Variants in SDK1 observed in about 807,000 individuals in gnomAD.
SDK1 encodes the protein sidekick cell adhesion molecule 1.
In SDK1, 157 loss-of-function variants were observed where a neutral mutation model predicts 245.5. The ratio of observed to expected loss-of-function variants is 0.64; its 90% CI spans 0.56 to 0.73. The LOEUF is 0.73. Among genes scored for constraint, SDK1 ranks in the 30% least tolerant of loss-of-function variants. SDK1 has a pLI of 0.00. For missense variants in SDK1, 3,583 were observed against 3,002.3 expected (o/e 1.19, Z -4.52); for synonymous variants, 1,647 against 1,278.5 (o/e 1.29, Z -6.15).
At chr7:4,065,260 C>T (rs1779799491) in intron 19 of SDK1, among the ~76,000 whole-genome samples, 1 of 152,162 alleles carries the variant, frequency 6.6e-6, no homozygotes, top group African/African-American at 2.4e-5. Flanking sequence ...GCCTCCTTTT[C>T]TCTTTAGCTG....
chr7:3,743,386 T>C (rs1013272858), intron 4 of SDK1, among the ~76,000 whole-genome samples: 2 of 152,190 alleles, frequency 1.3e-5, no homozygotes, highest in African/African-American at 4.8e-5. Flanking sequence ...CCCATTCTCC[T>C]TGTCACAACT....
chr7:3,494,061 G>T lies in SDK1; in HGVS notation c.299-125019G>T, dbSNP rs1172818490. Among the ~76,000 whole-genome samples the T allele has an allele frequency of 3.3e-5, 5 of 151,838 alleles. No homozygotes were observed. In the South Asian group the frequency reaches 1.0e-3, roughly 32 times the overall value. On this transcript the variant is annotated intron_variant, in intron 1 of 44. Transcript: ENST00000404826. ...TGAAAAGTCAGATTTTTTTTTTAAG[G>T]TAAACTCTGATCTCATTTATTTAGA...
In SDK1 at chr7:4,110,745, C is replaced by G; in HGVS notation, c.3407C>G (p.Pro1136Arg). The stretch of plus-strand genomic sequence containing the variant: ...CCTGATGCCCAGATGCTGGAGATCC[C>G]AAACCTCACACCCTACACTCACTAC... ...NEPDAQMLEI[P>R]NLTPYTHYRF... is the part of the protein sequence containing the mutation. Residue 1136 changes from proline (P) to arginine (R), a missense_variant, in exon 23 of 45, where the codon CCA (proline) becomes CGA (arginine). By Grantham distance (103) the Pro-to-Arg change is moderately radical (BLOSUM62 -2). Coordinates refer to ENST00000404826, the MANE Select transcript of SDK1 (RefSeq NM_152744.4). The G allele has an allele frequency of 4.3e-6, 7 of 1,613,080 alleles. No individual in the cohort carries two copies. Among genetic ancestry groups the G allele is most frequent in the Non-Finnish European group, 5.1e-6 (6 of 1,179,146 alleles).
At chr7:4,241,978 C>G in intron 43 of SDK1, 65 bp downstream of exon 43, 1 of 1,576,010 alleles carries the variant, frequency 6.3e-7, no homozygotes, top group Non-Finnish European at 8.6e-7. Context: ...GGGTGGCAGC[C>G]CACGCCCACT....
chr7:4,071,685 T>C (rs1257959407), intron 20 of SDK1, among the ~76,000 whole-genome samples: 3 of 152,204 alleles, frequency 2.0e-5, no homozygotes, highest in African/African-American at 7.2e-5. Context: ...AGCAGGAGGC[T>C]ACCATTCGGA....
At chr7:3,797,600 G>C (rs1778994180) in intron 4 of SDK1, among the ~76,000 whole-genome samples, 1 of 151,828 alleles carries the variant, frequency 6.6e-6, no homozygotes, top group Admixed American at 6.6e-5. Context: ...CATTTACATA[G>C]ATCTAATTTA....
chr7:4,157,316 G>A lies in SDK1; in HGVS notation c.4626-1132G>A, dbSNP rs987527808. Among the ~76,000 whole-genome samples, 11 of 150,950 alleles carry A rather than the reference G, an allele frequency of 7.3e-5. 1 individual carries two copies. The highest frequency in any genetic ancestry group is 2.7e-4 in the African/African-American group (11 of 40,878). ...AGAAAGGGAAGGGAAAAGGAAGGAG[G>A]GACGGGAGGTGGAAGGGAGAGAAGG... is the stretch of plus-strand genomic sequence containing the variant. On this transcript the variant is annotated intron_variant, in intron 30 of 44. Transcript: ENST00000404826.
Position 4,151,179 on chromosome 7 carries a change from C to T in SDK1, c.4625+1716C>T, listed in dbSNP as rs565514545. ...GTCCAAGGAGGGTCACACGGACCATCGGGAACCCATGCTGCGGCTCCCAGG... is the reference window on the plus strand; with the variant it reads ...GTCCAAGGAGGGTCACACGGACCATTGGGAACCCATGCTGCGGCTCCCAGG... On this transcript the variant is annotated intron_variant, in intron 30 of 44. Transcript: ENST00000404826. Among the ~76,000 whole-genome samples, 18 of 152,272 alleles carry T rather than the reference C, an allele frequency of 1.2e-4. No homozygotes were observed. The South Asian group carries it at 1.5e-3, about 12-fold the overall frequency.
intron 5 of SDK1, among the ~76,000 whole-genome samples, chr7:3,897,124 G>C (rs1443205269): frequency 6.6e-6 from 1 of 152,206 alleles, no homozygotes; most frequent in Non-Finnish European, 1.5e-5. Flanking sequence ...CCTCCCACTA[G>C]GCCACTGCCA....
chr7:4,161,289 TC>T (rs1781103204), intron 31 of SDK1, among the ~76,000 whole-genome samples: 1 of 152,164 alleles, frequency 6.6e-6, no homozygotes, highest in Admixed American at 6.5e-5. Context: ...CACCCTGCTG[TC>T]CCAGCCAGCT....
chr7:4,060,578 C>G (rs1368588367), intron 19 of SDK1, among the ~76,000 whole-genome samples: 1 of 151,910 alleles, frequency 6.6e-6, no homozygotes, highest in Admixed American at 6.6e-5. Context: ...AAATTTTCTC[C>G]CATTGTGTAG....
At chr7:3,525,059 G>C (rs1000969763) in intron 1 of SDK1, among the ~76,000 whole-genome samples, 6 of 152,104 alleles carry the variant, frequency 3.9e-5, no homozygotes, top group African/African-American at 1.2e-4. Flanking sequence ...AACTATTTAC[G>C]TAGCATTTAC....
At chr7:3,467,965 C>T (rs1039389039) in intron 1 of SDK1, among the ~76,000 whole-genome samples, 1 of 116,032 alleles carries the variant, frequency 8.6e-6, no homozygotes, top group South Asian at 3.9e-4. Flanking sequence ...GTGATGTAAT[C>T]ATTGTTGTCA....
chr7:3,872,412 T>G (rs1780979775), intron 5 of SDK1, among the ~76,000 whole-genome samples: 1 of 152,092 alleles, frequency 6.6e-6, no homozygotes. Flanking sequence ...TGGAGTTTTA[T>G]TTTATTTTGT....
At chr7:4,109,591 C>G (rs1371149286) in intron 22 of SDK1, among the ~76,000 whole-genome samples, 1 of 152,228 alleles carries the variant, frequency 6.6e-6, no homozygotes, top group Non-Finnish European at 1.5e-5. Context: ...TCCCCCAGAG[C>G]CACACGGCCA....
At chr7:3,468,304 A>G (rs186772688) in intron 1 of SDK1, among the ~76,000 whole-genome samples, 69 of 152,268 alleles carry the variant, frequency 4.5e-4, no homozygotes, top group African/African-American at 1.6e-3. Flanking sequence ...TGATTTTATT[A>G]ACTGTGTTGG....
chr7:4,005,491 A>C (rs1321832963), intron 14 of SDK1, among the ~76,000 whole-genome samples: 1 of 151,290 alleles, frequency 6.6e-6, no homozygotes, highest in Non-Finnish European at 1.5e-5. Context: ...AAGGAGGCAC[A>C]TGACACCAGC....
intron 19 of SDK1, among the ~76,000 whole-genome samples, chr7:4,065,585 C>G (rs1297095987): frequency 6.6e-6 from 1 of 151,386 alleles, no homozygotes; most frequent in Non-Finnish European, 1.5e-5. Flanking sequence ...ATGGTCTTGA[C>G]AGCCATTCTA....
rs982119531 is a variant in SDK1, at chr7:4,114,113, A to G, written c.3662A>G (p.Gln1221Arg). 2 of 1,614,236 alleles carry G rather than the reference A, an allele frequency of 1.2e-6. No homozygotes were observed. Among genetic ancestry groups the G allele is most frequent in the Non-Finnish European group, 1.7e-6 (2 of 1,180,052 alleles). ...ATTAAGTACTGGCGCTCAGACCTCC[A>G]GTCCTCAGCAGTGGCCCAAGTCGTC... is the stretch of plus-strand genomic sequence containing the variant. ...YRIKYWRSDL[Q>R]SSAVAQVVSD... The change falls in exon 25 of 45, where the codon CAG becomes CGG. Residue 1221 changes from glutamine to arginine, a missense_variant. By Grantham distance (43) the Gln-to-Arg change is conservative (BLOSUM62 1). Coordinates refer to ENST00000404826, the MANE Select transcript of SDK1 (RefSeq NM_152744.4).
Sources: allele counts gnomAD v4.1 joint callset (sites outside exome capture counted in the v4.1 genomes callset), GRCh38; gene constraint gnomAD v4.1.1; transcripts MANE v1.5; gene names NCBI Gene and HGNC (gene_info 2026-07-23, HGNC 2026-07-21).